PDE4B: variants seen among roughly 807,000 people sequenced by gnomAD.
PDE4B encodes the protein 3',5'-cyclic-AMP phosphodiesterase 4B.
A neutral mutation model predicts 82.2 loss-of-function variants in PDE4B; 20 were observed. The observed-to-expected ratio is 0.24, with a 90% CI of 0.17 to 0.35. PDE4B has a LOEUF of 0.35. Among genes scored for constraint, PDE4B ranks in the 10% least tolerant of loss-of-function variants. PDE4B has a pLI of 1.00. For missense variants in PDE4B, 655 were observed against 907.2 expected, an observed-to-expected ratio of 0.72 and a Z score of 3.57; for synonymous variants, 320 against 318.9, an observed-to-expected ratio of 1.00 and a Z score of -0.04.
Position 66,367,979 on chromosome 1 carries a change from C to CT in PDE4B, c.1577dup (p.Ala527GlyfsTer75). On this transcript the variant is annotated frameshift_variant, in exon 15 of 17. Coordinates refer to ENST00000341517, the MANE Select transcript of PDE4B (RefSeq NM_002600.4). LOFTEE classifies it high-confidence loss of function. ...TGATATGTCTAAACATATGAGCCTG[C>CT]TGGCAGACCTGAAGACAATGGTAGA... The CT allele has an allele frequency of 6.2e-7, 1 of 1,613,806 alleles. No individual in the cohort carries two copies. The highest frequency in any genetic ancestry group is 8.5e-7 in the Non-Finnish European group (1 of 1,179,774).
At chr1:65,830,152 G>A (rs1240030195) in intron 1 of PDE4B, among the ~76,000 whole-genome samples, 1 of 151,980 alleles carries the variant, frequency 6.6e-6, no homozygotes, top group Non-Finnish European at 1.5e-5. Context: ...GCCAAAATTG[G>A]AACAATTTGA....
rs573332743 is a variant in PDE4B at position 66,341,039 on chromosome 1, C to T, written c.747+8419C>T. Among the ~76,000 whole-genome samples the T allele has an allele frequency of 8.5e-5, 13 of 152,254 alleles. No homozygotes were observed. In the South Asian group the frequency reaches 2.5e-3, roughly 29 times the overall value. On this transcript the variant is annotated intron_variant, in intron 8 of 16. Coordinates refer to ENST00000341517, the MANE Select transcript of PDE4B (RefSeq NM_002600.4). ...TATAGTTTTACATGATTACATTAGA[C>T]AAAGTCCTAGAACTTTAAGCCTAGA...
At chr1:66,190,740 C>G (rs540202373) in intron 3 of PDE4B, among the ~76,000 whole-genome samples, 2 of 152,116 alleles carry the variant, frequency 1.3e-5, no homozygotes, top group Admixed American at 1.3e-4. Context: ...ATCTGTCACC[C>G]CTTTCTTTGA....
intron 1 of PDE4B, among the ~76,000 whole-genome samples, chr1:65,863,671 T>C (rs1283755616): frequency 6.6e-6 from 1 of 152,234 alleles, no homozygotes; most frequent in Non-Finnish European, 1.5e-5. Flanking sequence ...GAACTTGTTT[T>C]ATGAATCTGG....
intron 1 of PDE4B, among the ~76,000 whole-genome samples, chr1:65,817,174 A>G (rs561722369): frequency 3.3e-5 from 5 of 152,124 alleles, no homozygotes; most frequent in Admixed American, 1.3e-4. Context: ...GAGGGTGACA[A>G]TCTCTCCCAG....
At position 65,926,723 on chromosome 1, in the gene PDE4B, CT is replaced by C. The variant is rs1647522538; in HGVS notation, c.281+7891del. Among the ~76,000 whole-genome samples, 2 of 152,122 alleles carry C rather than the reference CT, an allele frequency of 1.3e-5. 1 individual carries two copies. The highest frequency in any genetic ancestry group is 6.8e-3 in the Middle Eastern group (2 of 294). The stretch of plus-strand genomic sequence containing the variant: ...AGAATTGATTACTTCACTTCTTTTG[CT>C]TTCTCTTGCTACTTGATCTAGGTAT... On this transcript the variant is annotated intron_variant, in intron 3 of 16. Transcript: ENST00000341517.
At chr1:65,810,674 A>G (rs989059224) in intron 1 of PDE4B, among the ~76,000 whole-genome samples, 6 of 152,222 alleles carry the variant, frequency 3.9e-5, no homozygotes, top group Non-Finnish European at 8.8e-5. Flanking sequence ...CCAGGATTCA[A>G]ACTTAGGTCT....
chr1:66,302,237 T>C (rs1657947651), intron 7 of PDE4B, among the ~76,000 whole-genome samples: 1 of 152,128 alleles, frequency 6.6e-6, no homozygotes, highest in Admixed American at 6.6e-5. Context: ...AGCATCAGCT[T>C]CCTAGCTGCG....
intron 3 of PDE4B, chr1:65,992,742 G>C: frequency 7.4e-7 from 1 of 1,352,036 alleles, no homozygotes; most frequent in Non-Finnish European, 9.5e-7. Context: ...GCTATTCTTC[G>C]AGTATGCTGC....
intron 3 of PDE4B, among the ~76,000 whole-genome samples, chr1:66,062,168 G>A (rs754837618): frequency 6.6e-5 from 10 of 152,064 alleles, no homozygotes; most frequent in Non-Finnish European, 1.5e-4. Context: ...AAGAGATTCT[G>A]ACTAAGCAAG....
chr1:65,843,940 C>G (rs895508453), intron 1 of PDE4B, among the ~76,000 whole-genome samples: 12 of 152,074 alleles, frequency 7.9e-5, no homozygotes, highest in African/African-American at 2.2e-4. Flanking sequence ...ATCTTCATAA[C>G]AAAGTTACCA....
At chr1:66,129,529 G>A (rs1047754389) in intron 3 of PDE4B, among the ~76,000 whole-genome samples, 34 of 150,380 alleles carry the variant, frequency 2.3e-4, no homozygotes, top group African/African-American at 6.3e-4. Context: ...GCGTAGTGGC[G>A]GGCGCCTGTA....
chr1:65,805,524 C>A (rs905496043), intron 1 of PDE4B, among the ~76,000 whole-genome samples: 10 of 152,052 alleles, frequency 6.6e-5, no homozygotes, highest in Non-Finnish European at 8.8e-5. Flanking sequence ...ATCTGCAGTA[C>A]AATCATTGTG....
At position 66,370,398 on chromosome 1, in the gene PDE4B, A is replaced by C. The variant is rs143853377; in HGVS notation, c.1845+1429A>C. Among the ~76,000 whole-genome samples, 639 of 152,262 alleles carry C rather than the reference A, an allele frequency of 4.2e-3. 9 individuals are homozygous for C. The highest frequency in any genetic ancestry group is 0.014 in the African/African-American group (587 of 41,542). On this transcript the variant is annotated intron_variant, in intron 16 of 16. Transcript: ENST00000341517. ...ATTTTCCATACATTATCTTACTTGG[A>C]TCCCCAAACAGCCTTGCAAGATAGA...
intron 3 of PDE4B, among the ~76,000 whole-genome samples, chr1:66,116,800 A>G (rs959900257): frequency 1.2e-4 from 19 of 152,160 alleles, no homozygotes; most frequent in Non-Finnish European, 2.9e-5. Context: ...CCTGGGCTCA[A>G]GCAATCCTCC....
At chr1:66,261,964 G>C (rs539387016) in intron 6 of PDE4B, among the ~76,000 whole-genome samples, 1 of 152,314 alleles carries the variant, frequency 6.6e-6, no homozygotes, top group East Asian at 1.9e-4. Flanking sequence ...AGGGGATGGA[G>C]CTGGGAGCAA....
At chr1:66,061,101 G>A (rs1655562752) in intron 3 of PDE4B, among the ~76,000 whole-genome samples, 1 of 151,310 alleles carries the variant, frequency 6.6e-6, no homozygotes, top group South Asian at 2.1e-4. Context: ...AAATGAGAAA[G>A]ATAGCCTGTT....
rs1646961293 is a variant in PDE4B, at chr1:66,177,707, A to G, written c.282-69753A>G. Among the ~76,000 whole-genome samples, 4 of 152,098 alleles carry G rather than the reference A, an allele frequency of 2.6e-5. No homozygotes were observed. The South Asian group carries it at 8.3e-4, about 31-fold the overall frequency. On this transcript the variant is annotated intron_variant, in intron 3 of 16. Transcript: ENST00000341517. ...ATTGAAGCCAGATAATAAATAATGC[A>G]GACTCTGTGACATTTTAGGAACCTT...
intron 3 of PDE4B, among the ~76,000 whole-genome samples, chr1:66,228,227 CG>C (rs1053726398): frequency 1.3e-5 from 2 of 152,174 alleles, no homozygotes; most frequent in Non-Finnish European, 2.9e-5. Flanking sequence ...TCCTTTACCC[CG>C]GCTCATTCGG....
Sources: gnomAD v4.1 joint callset for allele counts (sites outside exome capture counted in the v4.1 genomes callset) on GRCh38, gnomAD v4.1.1 for gene constraint, MANE v1.5 for transcripts, NCBI Gene and HGNC (gene_info 2026-07-23, HGNC 2026-07-21) for gene names.